The following ABCA7 variants were observed in gnomAD, a reference collection of about 807,000 sequenced individuals.
The protein encoded by ABCA7 is phospholipid-transporting ATPase ABCA7.
In ABCA7, 261 loss-of-function variants were observed where a neutral mutation model predicts 227.6. The observed-to-expected ratio is 1.15, with a 90% confidence interval of 1.04 to 1.27. The LOEUF (loss-of-function observed/expected upper bound fraction) is 1.27. Among genes scored for constraint, ABCA7 ranks in the 50% most tolerant of loss-of-function variants. ABCA7 has a pLI of 0.00. For synonymous variants in ABCA7, 1,488 were observed against 1,279.7 expected, an observed-to-expected ratio of 1.16 and a Z score of -3.47; for missense variants, 3,331 against 2,924.5, an observed-to-expected ratio of 1.14 and a Z score of -3.21.
Position 1,046,988 on chromosome 19 carries a change from C to T in ABCA7, c.1809C>T (p.Phe603=), listed in dbSNP as rs768153299. 1 of 1,580,192 alleles carries T rather than the reference C, an allele frequency of 6.3e-7. No individual in the cohort carries two copies. Among genetic ancestry groups the T allele is most frequent in the Admixed American group, 1.8e-5 (1 of 54,198 alleles). The part of the protein sequence containing the change: ...LGWFLSCLGP[F]LLSAALLVLV... ...GGTTCCTCAGCTGCCTCGGGCCCTT[C>T]CTGCTCAGCGCCGCACTGCTGGTTC... The change falls in exon 14 of 47, where the codon TTC becomes TTT. Residue 603 remains phenylalanine, a synonymous_variant. Coordinates refer to ENST00000263094, the MANE Select transcript of ABCA7 (RefSeq NM_019112.4).
At chr19:1,051,101 C>T (rs2041579435) in intron 19 of ABCA7, 49 bp downstream of exon 19, 1 of 1,611,324 alleles carries the variant, frequency 6.2e-7, no homozygotes, top group Admixed American at 1.7e-5. Flanking sequence ...GACTGGACGC[C>T]CTCTGGGACT....
chr19:1,062,381 G>A, intron 42 of ABCA7, 68 bp downstream of exon 42: 1 of 1,571,838 alleles, frequency 6.4e-7, no homozygotes, highest in Non-Finnish European at 8.6e-7. Context: ...TGCCTCTAAA[G>A]CCTGGCCCAA....
At chr19:1,061,702 A>AAG in intron 40 of ABCA7, 80 bp from the exon 41 acceptor site, 4 of 1,086,696 alleles carry the variant, frequency 3.7e-6, no homozygotes, top group Non-Finnish European at 5.0e-6. Context: ...TTGGTCTCAA[A>AAG]AAAAAAAAAA....
Position 1,058,149 on chromosome 19 carries a change from CT to C in ABCA7, c.5030del (p.Leu1677ArgfsTer4), listed in dbSNP as rs778898644. On this transcript the variant is annotated frameshift_variant, in exon 37 of 47. Coordinates refer to ENST00000263094, the MANE Select transcript of ABCA7 (RefSeq NM_019112.4). LOFTEE classifies it high-confidence loss of function. ...FVLELFSDQKLQEVSRILKQV... is the reference protein window; with the variant it reads ...FVLELFSDQKXQEVSRILKQV... ...TCCGTCTCCCACCCTTGAGCAGAAG[CT>C]GCAGGAGGTGAGCCGGATCTTGAAA... 1 of 1,613,990 alleles carries C rather than the reference CT, an allele frequency of 6.2e-7. No homozygotes were observed. Among genetic ancestry groups the C allele is most frequent in the Non-Finnish European group, 8.5e-7 (1 of 1,179,986 alleles).
In ABCA7 at chr19:1,041,595, A is replaced by C; in HGVS notation, c.152A>C (p.His51Pro). 1 of 1,612,104 alleles carries C rather than the reference A, an allele frequency of 6.2e-7. No homozygotes were observed. The highest frequency in any genetic ancestry group is 1.3e-5 in the African/African-American group (1 of 75,024). The stretch of plus-strand genomic sequence containing the variant: ...CGCCACTCCCACCCGCCCCTGGAGC[A>C]CCATGAATGTGAGCCCCCCCAGGGA... ...AVRHSHPPLE[H>P]HECHFPNKPL... Residue 51 changes from histidine to proline, a missense_variant, in exon 3 of 47, where the codon CAC (histidine) becomes CCC (proline). By Grantham distance (77) the His-to-Pro change is moderately conservative. Coordinates refer to ENST00000263094, the MANE Select transcript of ABCA7 (RefSeq NM_019112.4).
rs779216322 is a variant in ABCA7 at position 1,065,053 on chromosome 19, G to A, written c.6167G>A (p.Arg2056His). The A allele has an allele frequency of 6.4e-7, 1 of 1,559,662 alleles. No homozygotes were observed. The highest frequency in any genetic ancestry group is 2.4e-5 in the East Asian group (1 of 41,514). ...CGCGAGGCACATGGAGGCCGCCTGC[G>A]CTTCCAGCTGCCGCCGGGAGGGCGC... The part of the protein sequence containing the change: ...ELREAHGGRL[R>H]FQLPPGGRCA... Residue 2056 changes from arginine (R) to histidine (H), a missense_variant, in exon 46 of 47, where the codon CGC (arginine) becomes CAC (histidine). Transcript: ENST00000263094.
At chr19:1,042,513 G>T (rs2040158266) in intron 6 of ABCA7, 116 bp downstream of exon 6, 8 of 1,318,072 alleles carry the variant, frequency 6.1e-6, no homozygotes, top group Non-Finnish European at 8.5e-6. Flanking sequence ...GCTGTCCCTG[G>T]TCTCTGCGGT....
intron 6 of ABCA7, 162 bp from the exon 7 acceptor site, chr19:1,042,584 G>C (rs573789561): frequency 2.0e-6 from 2 of 1,003,692 alleles, no homozygotes; most frequent in Admixed American, 1.9e-5. Context: ...AGGAAGACTC[G>C]TCTGTGAGAT....
chr19:1,046,197 T>C (rs2040634842), intron 12 of ABCA7, 33 bp from the exon 13 acceptor site: 1 of 1,599,550 alleles, frequency 6.3e-7, no homozygotes, highest in Non-Finnish European at 8.5e-7. Context: ...TTCTAGCCCT[T>C]CCCTACAACC....
rs116636749 is a variant in ABCA7 at position 1,059,888 on chromosome 19, C to T, written c.5463+803C>T. Among the ~76,000 whole-genome samples, 736 of 152,296 alleles carry T rather than the reference C, an allele frequency of 4.8e-3. 3 individuals are homozygous for T. The highest frequency in any genetic ancestry group is 0.017 in the African/African-American group (703 of 41,562). On this transcript the variant is annotated intron_variant, in intron 40 of 46. Coordinates refer to ENST00000263094, the MANE Select transcript of ABCA7 (RefSeq NM_019112.4). ...GTGCATTTATCTTGAGCCAACAAAA[C>T]CTCATTAAGCACCTACTGCATGCTT...
chr19:1,046,246 C>T lies in ABCA7; in HGVS notation c.1462C>T (p.Pro488Ser), dbSNP rs1256516936. Residue 488 changes from proline (P) to serine (S), a missense_variant, in exon 13 of 47, where the codon CCA (proline) becomes TCA (serine). Transcript: ENST00000263094. Reference sequence around the variant, plus strand: ...CTCTCGCAGGTTTTGGGACCCTGGCCCAGCCGCGGACCCCCTGACCGACCT... The same window carrying T: ...CTCTCGCAGGTTTTGGGACCCTGGCTCAGCCGCGGACCCCCTGACCGACCT... ...KIRDRFWDPGPAADPLTDLRY... is the reference protein window; with the variant it reads ...KIRDRFWDPGSAADPLTDLRY... 1 of 1,607,182 alleles carries T rather than the reference C, an allele frequency of 6.2e-7. No individual in the cohort carries two copies. Among genetic ancestry groups the T allele is most frequent in the Non-Finnish European group, 8.5e-7 (1 of 1,179,710 alleles).
chr19:1,047,223 GCCACGGTGA>G lies in ABCA7; in HGVS notation c.1915_1923del (p.Thr639_Thr641del). ...CCTGTTCTTGGCAGCCTTCGCGGTG[GCCACGGTGA>G]CCCAGAGCTTCCTGCTCAGCGCCTT... On this transcript the variant is annotated inframe_deletion, in exon 15 of 47. Transcript: ENST00000263094. 6.2e-7 allele frequency: 1 copy of G among 1,608,558 alleles called. No individual in the cohort carries two copies. The highest frequency in any genetic ancestry group is 2.2e-5 in the East Asian group (1 of 44,818).
In ABCA7 at chr19:1,047,324, C is replaced by G; in HGVS notation, c.2013C>G (p.Tyr671Ter). Residue 671 changes from tyrosine to a stop codon, truncating the protein, a stop_gained, in exon 15 of 47, where the codon TAC becomes TAG. Coordinates refer to ENST00000263094, the MANE Select transcript of ABCA7 (RefSeq NM_019112.4). LOFTEE classifies it high-confidence loss of function. ...CCTACTTCTCCCTCTACCTGCCCTACGTGCTGTGTGTGGCTTGGCGGGACC... is the reference window on the plus strand; with the variant it reads ...CCTACTTCTCCCTCTACCTGCCCTAGGTGCTGTGTGTGGCTTGGCGGGACC... ...GLAYFSLYLP[Y>*]VLCVAWRDRL... The G allele has an allele frequency of 6.2e-7, 1 of 1,601,108 alleles. No individual in the cohort carries two copies. The highest frequency in any genetic ancestry group is 1.3e-5 in the African/African-American group (1 of 74,900).
At position 1,065,089 on chromosome 19, in the gene ABCA7, C is replaced by T. The variant is rs546492031; in HGVS notation, c.6203C>T (p.Ala2068Val). 3.2e-6 allele frequency: 5 copies of T among 1,575,194 alleles called. No individual in the cohort carries two copies. Among genetic ancestry groups the T allele is most frequent in the East Asian group, 4.7e-5 (2 of 42,490 alleles). Residue 2068 changes from alanine to valine, a missense_variant, in exon 46 of 47, where the codon GCG becomes GTG. By Grantham distance (64) the Ala-to-Val change is moderately conservative. Transcript: ENST00000263094. ...CCGCCGGGAGGGCGCTGCGCCCTGG[C>T]GCGCGTCTTTGGAGAGCTGGCGGTG... is the stretch of plus-strand genomic sequence containing the variant. Reference protein sequence around the residue: ...QLPPGGRCALARVFGELAVHG... With the variant: ...QLPPGGRCALVRVFGELAVHG...
Position 1,041,302 on chromosome 19 carries a change from C to A in ABCA7, c.-60C>A. 1 of 1,564,020 alleles carries A rather than the reference C, an allele frequency of 6.4e-7. No homozygotes were observed. Among genetic ancestry groups the A allele is most frequent in the Non-Finnish European group, 8.8e-7 (1 of 1,135,994 alleles). ...CAGGGAGTTGCCCGCAGCCGCACCG[C>A]ACGTCTTCAGCCCGACCGTTGTCCT... On this transcript the variant is annotated 5_prime_UTR_variant, in exon 2 of 47. Transcript: ENST00000263094.
At chr19:1,052,320 G>C in intron 23 of ABCA7, 34 bp downstream of exon 23, 8 of 1,528,198 alleles carry the variant, frequency 5.2e-6, no homozygotes, top group Non-Finnish European at 7.0e-6. Context: ...AAGGCGGGTG[G>C]GCAGTGGGGT....
At chr19:1,060,208 T>TATATATATATATATA (rs1555699222) in intron 40 of ABCA7, among the ~76,000 whole-genome samples, 8 of 118,764 alleles carry the variant, frequency 6.7e-5, no homozygotes, top group African/African-American at 3.1e-4. Flanking sequence ...TATATATATA[T>TATATATATATATATA]TTTTTTTTCT....
At position 1,048,828 on chromosome 19, in the gene ABCA7, AC is replaced by A. The variant is rs1568294420; in HGVS notation, c.2270-63del. ...CGTCTCAAAAAAAAAAAAAAACAAA[AC>A]CCCAAAAAAAGCCTGGTACACTCCT... On this transcript the variant is annotated intron_variant, in intron 16 of 46. Transcript: ENST00000263094. 375 of 915,374 alleles carry A rather than the reference AC, an allele frequency of 4.1e-4. 3 individuals are homozygous for A. In the African/African-American group the frequency reaches 5.5e-3, roughly 13 times the overall value. The allele number at this position is 915,374 out of a possible 1,614,324, so 56.7% of individuals were successfully genotyped here. A position where few individuals can be genotyped will look rare whatever the true frequency, so the allele number is the denominator to read the frequency against.
Position 1,041,296 on chromosome 19 carries a change from G to T in ABCA7, c.-66G>T, listed in dbSNP as rs2144665536. 1.3e-6 allele frequency: 2 copies of T among 1,523,114 alleles called. No homozygotes were observed. The highest frequency in any genetic ancestry group is 1.1e-5 in the South Asian group (1 of 89,240). 94.3% of individuals were successfully genotyped at this position (1,523,114 alleles called of 1,614,324 possible). Reference sequence around the variant, plus strand: ...AAGGGGCAGGGAGTTGCCCGCAGCCGCACCGCACGTCTTCAGCCCGACCGT... The same window carrying T: ...AAGGGGCAGGGAGTTGCCCGCAGCCTCACCGCACGTCTTCAGCCCGACCGT... On this transcript the variant is annotated 5_prime_UTR_variant, in exon 2 of 47. Coordinates refer to ENST00000263094, the MANE Select transcript of ABCA7 (RefSeq NM_019112.4).
Sources: allele counts gnomAD v4.1 joint callset (sites outside exome capture counted in the v4.1 genomes callset), GRCh38; gene constraint gnomAD v4.1.1; transcripts MANE v1.5; gene names NCBI Gene and HGNC (gene_info 2026-07-23, HGNC 2026-07-21).